The following ACTR3C variants were observed in gnomAD, a reference collection of about 807,000 sequenced individuals.
ACTR3C encodes actin related protein 3C.
ACTR3C carries 18 observed loss-of-function variants against 26.3 expected under a neutral mutation model. That is an observed-to-expected ratio of 0.68 (90% CI 0.47 to 1.01). The LOEUF is 1.01. Ranked by LOEUF, ACTR3C falls within the 50% of genes least tolerant of loss-of-function variation. ACTR3C has a pLI of 0.00. For synonymous variants in ACTR3C, 55 were observed against 94.5 expected (o/e 0.58, Z 2.42); for missense variants, 184 against 250.7 (o/e 0.73, Z 1.80).
At chr7:149,882,373 G>A in the ACTR3C span, among the ~76,000 whole-genome samples, 1 of 152,188 alleles carries the variant, frequency 6.6e-6, no homozygotes, top group Admixed American at 6.5e-5. Context: ...GAGCCCCCTG[G>A]GTGGCATCCT....
the ACTR3C span, among the ~76,000 whole-genome samples, chr7:150,044,156 G>C: frequency 6.6e-6 from 1 of 151,996 alleles, no homozygotes; most frequent in Admixed American, 6.6e-5. Context: ...TGCTCTAATG[G>C]TACAGAAGGC....
the ACTR3C span, among the ~76,000 whole-genome samples, chr7:149,972,539 C>T: frequency 6.6e-6 from 1 of 152,146 alleles, no homozygotes; most frequent in East Asian, 1.9e-4. Context: ...TCTCCAGCCT[C>T]TGGAGATGCA....
chr7:150,259,949 A>C (rs1283844425), intron 6 of ACTR3C, among the ~76,000 whole-genome samples: 1 of 152,190 alleles, frequency 6.6e-6, no homozygotes, highest in Non-Finnish European at 1.5e-5. Flanking sequence ...CCTGGCATGT[A>C]AGCTCCACAA....
intron 6 of ACTR3C, among the ~76,000 whole-genome samples, chr7:150,256,069 C>G (rs1382483009): frequency 6.6e-6 from 1 of 152,216 alleles, no homozygotes; most frequent in Admixed American, 6.5e-5. Flanking sequence ...TAAGACCCTA[C>G]AGAAGCTGCA....
the ACTR3C span, among the ~76,000 whole-genome samples, chr7:150,207,657 C>T: frequency 6.6e-6 from 1 of 151,838 alleles, no homozygotes; most frequent in Non-Finnish European, 1.5e-5. Flanking sequence ...ACCTCAGTGG[C>T]TGTTGCAAGA....
chr7:150,215,434 G>T, the ACTR3C span, among the ~76,000 whole-genome samples: 2 of 152,112 alleles, frequency 1.3e-5, no homozygotes, highest in Non-Finnish European at 2.9e-5. Flanking sequence ...GTAAACAGGA[G>T]ATATTACGAT....
At chr7:150,179,831 A>G in the ACTR3C span, among the ~76,000 whole-genome samples, 1 of 151,628 alleles carries the variant, frequency 6.6e-6, no homozygotes, top group African/African-American at 2.4e-5. Flanking sequence ...TATAATTATT[A>G]AAGAAAAATA....
intron 1 of ACTR3C, among the ~76,000 whole-genome samples, chr7:150,322,106 T>C (rs1015105378): frequency 2.0e-5 from 3 of 152,196 alleles, no homozygotes; most frequent in Admixed American, 2.0e-4. Context: ...ACACAATTTG[T>C]AGCTGCAGGA....
chr7:149,891,718 G>C, the ACTR3C span, among the ~76,000 whole-genome samples: 2 of 137,434 alleles, frequency 1.5e-5, no homozygotes, highest in East Asian at 4.5e-4. Context: ...CCACCTACTT[G>C]GGAAGTTGAG....
At chr7:150,249,796 CA>C (rs1300733952) in intron 6 of ACTR3C, among the ~76,000 whole-genome samples, 1 of 152,124 alleles carries the variant, frequency 6.6e-6, no homozygotes, top group Non-Finnish European at 1.5e-5. Context: ...ATGTTTGAAG[CA>C]AAAGTTACTA....
the ACTR3C span, among the ~76,000 whole-genome samples, chr7:150,084,295 A>G: frequency 6.6e-6 from 1 of 152,232 alleles, no homozygotes; most frequent in East Asian, 1.9e-4. Flanking sequence ...TAAAATTGTT[A>G]TATAATGACT....
the ACTR3C span, among the ~76,000 whole-genome samples, chr7:150,229,733 T>C: frequency 4.0e-5 from 6 of 149,462 alleles, no homozygotes; most frequent in African/African-American, 1.2e-4. Flanking sequence ...CAACCTCAGG[T>C]AATCCACCTG....
chr7:149,967,461 C>T, the ACTR3C span, among the ~76,000 whole-genome samples: 2,103 of 152,228 alleles, frequency 0.014, 49 homozygotes, highest in African/African-American at 0.048. Context: ...TGTTTGCCAC[C>T]GTGTCTGGCC....
At chr7:150,115,259 A>G in the ACTR3C span, among the ~76,000 whole-genome samples, 1 of 152,232 alleles carries the variant, frequency 6.6e-6, no homozygotes, top group African/African-American at 2.4e-5. Flanking sequence ...CCTTAGTCCC[A>G]TCTACCACAC....
At chr7:150,052,108 GTCT>G in the ACTR3C span, among the ~76,000 whole-genome samples, 15,024 of 140,638 alleles carry the variant, frequency 0.11, no homozygotes, top group African/African-American at 0.2. Context: ...GGGCATCACT[GTCT>G]TTTACATATT....
the ACTR3C span, among the ~76,000 whole-genome samples, chr7:150,148,654 T>A: frequency 6.6e-6 from 1 of 151,216 alleles, no homozygotes; most frequent in Non-Finnish European, 1.5e-5. Flanking sequence ...TGTTTTACAT[T>A]TTTACAATTC....
the ACTR3C span, among the ~76,000 whole-genome samples, chr7:150,107,578 G>A: frequency 6.6e-6 from 1 of 152,008 alleles, no homozygotes; most frequent in African/African-American, 2.4e-5. Flanking sequence ...GACTGCTGCC[G>A]TGAAGCAGGA....
chr7:149,884,503 G>A, the ACTR3C span, among the ~76,000 whole-genome samples: 10 of 152,134 alleles, frequency 6.6e-5, no homozygotes, highest in East Asian at 1.9e-4. Flanking sequence ...GTGAGGTAAT[G>A]CATTTGTTAT....
the ACTR3C span, among the ~76,000 whole-genome samples, chr7:150,155,085 T>C: frequency 1.1e-3 from 169 of 152,006 alleles, no homozygotes; most frequent in Non-Finnish European, 2.0e-3. Context: ...AGAAGACAAA[T>C]AGAAGCAATA....
Sources: gnomAD v4.1 joint callset for allele counts (sites outside exome capture counted in the v4.1 genomes callset) on GRCh38, gnomAD v4.1.1 for gene constraint, MANE v1.5 for transcripts, NCBI Gene and HGNC (gene_info 2026-07-23, HGNC 2026-07-21) for gene names.